Variants in TSHZ2 observed in about 807,000 individuals in gnomAD.
The protein encoded by TSHZ2 is teashirt zinc finger homeobox 2.
Under a neutral mutation model 74.4 loss-of-function variants are expected in TSHZ2, and 21 were observed. The observed-to-expected ratio is 0.28, with a 90% CI of 0.20 to 0.41. The LOEUF is 0.41. Among genes scored for constraint, TSHZ2 ranks in the 10% least tolerant of loss-of-function variants. The probability of loss-of-function intolerance (pLI) is 1.00; values close to 1 mark genes in which losing one functional copy is unlikely to be tolerated. For synonymous variants in TSHZ2, 540 were observed against 515.3 expected (o/e 1.05, Z -0.65); for missense variants, 1,244 against 1,293.5 (o/e 0.96, Z 0.59).
chr20:53,331,429 A>C (rs1370395434), intron 2 of TSHZ2, among the ~76,000 whole-genome samples: 2 of 152,048 alleles, frequency 1.3e-5, no homozygotes, highest in Non-Finnish European at 2.9e-5. Flanking sequence ...ATTTAATGTG[A>C]GGGAGCACAG....
chr20:53,340,931 A>C (rs900228874), intron 2 of TSHZ2, among the ~76,000 whole-genome samples: 11 of 152,156 alleles, frequency 7.2e-5, no homozygotes, highest in Admixed American at 7.2e-4. Context: ...TCTGAAAAAA[A>C]TTGAGCGCAA....
At chr20:53,192,121 A>AG (rs1988750560) in intron 1 of TSHZ2, among the ~76,000 whole-genome samples, 1 of 152,208 alleles carries the variant, frequency 6.6e-6, no homozygotes, top group Non-Finnish European at 1.5e-5. Context: ...TTTTATGAAC[A>AG]GGGAAATGGA....
chr20:53,076,408 G>T (rs987754817), intron 1 of TSHZ2, among the ~76,000 whole-genome samples: 2 of 152,184 alleles, frequency 1.3e-5, no homozygotes, highest in East Asian at 1.9e-4. Context: ...AGGCCCTATT[G>T]TGTGCCAGGC....
intron 1 of TSHZ2, among the ~76,000 whole-genome samples, chr20:53,139,652 T>A (rs1987338925): frequency 6.6e-6 from 1 of 152,186 alleles, no homozygotes; most frequent in African/African-American, 2.4e-5. Flanking sequence ...GCTAGCAGAG[T>A]GGCTGGCACA....
intron 2 of TSHZ2, among the ~76,000 whole-genome samples, chr20:53,413,544 A>G (rs1364884846): frequency 6.6e-6 from 1 of 152,190 alleles, no homozygotes; most frequent in Non-Finnish European, 1.5e-5. Flanking sequence ...CATCTGATAA[A>G]TGGGACTACT....
intron 1 of TSHZ2, among the ~76,000 whole-genome samples, chr20:52,982,053 T>C (rs1003035985): frequency 1.3e-5 from 2 of 152,200 alleles, no homozygotes; most frequent in African/African-American, 4.8e-5. Flanking sequence ...GCAATAGCTT[T>C]ATAAAAGCAA....
chr20:53,132,184 G>T (rs548211791), intron 1 of TSHZ2, among the ~76,000 whole-genome samples: 3 of 152,142 alleles, frequency 2.0e-5, no homozygotes, highest in Non-Finnish European at 2.9e-5. Context: ...CCTAGGTTCT[G>T]AGAGAGGGTT....
chr20:53,062,134 C>T (rs1245998619), intron 1 of TSHZ2, among the ~76,000 whole-genome samples: 1 of 152,178 alleles, frequency 6.6e-6, no homozygotes, highest in African/African-American at 2.4e-5. Context: ...CTCTTAAAAG[C>T]TGTTTTTAAT....
intron 1 of TSHZ2, among the ~76,000 whole-genome samples, chr20:53,002,029 G>A (rs1982460981): frequency 6.6e-6 from 1 of 152,282 alleles, no homozygotes; most frequent in South Asian, 2.1e-4. Context: ...ACCAACCCAG[G>A]GAGGAAAATC....
rs1225807437 is a variant in TSHZ2 at position 53,255,534 on chromosome 20, C to T, written c.2076C>T (p.Ile692=). 2 of 1,586,202 alleles carry T rather than the reference C, an allele frequency of 1.3e-6. No homozygotes were observed. Among genetic ancestry groups the T allele is most frequent in the Non-Finnish European group, 1.7e-6 (2 of 1,168,188 alleles). ...ACCACGCCCCGGCCCTGCCATGCAT[C>T]AACCCACTCAGCGCCCTGCAGTCCG... The part of the protein sequence containing the change: ...LANHAPALPC[I]NPLSALQSVL... The change falls in exon 2 of 3, where the codon ATC becomes ATT. Residue 692 remains isoleucine, a synonymous_variant. Transcript: ENST00000371497. The surrounding 1 kb of genome is among the most constrained non-coding windows in gnomAD (Gnocchi z 4.1).
intron 1 of TSHZ2, among the ~76,000 whole-genome samples, chr20:53,134,125 A>G (rs1050923880): frequency 4.6e-5 from 7 of 152,154 alleles, no homozygotes; most frequent in South Asian, 2.1e-4. Flanking sequence ...ATGAGTCTCA[A>G]TTTCCTCACC....
intron 1 of TSHZ2, among the ~76,000 whole-genome samples, chr20:53,147,981 T>G (rs973410236): frequency 6.6e-6 from 1 of 152,220 alleles, no homozygotes; most frequent in Non-Finnish European, 1.5e-5. Context: ...CCTAAAGTGC[T>G]GGGATTACAG....
At chr20:53,432,224 A>C (rs1171399013) in intron 2 of TSHZ2, among the ~76,000 whole-genome samples, 1 of 152,166 alleles carries the variant, frequency 6.6e-6, no homozygotes, top group Non-Finnish European at 1.5e-5. Flanking sequence ...AACATATGGC[A>C]TTTGGTTTTT....
intron 1 of TSHZ2, among the ~76,000 whole-genome samples, chr20:52,985,783 C>A (rs372274817): frequency 1.3e-5 from 2 of 152,234 alleles, no homozygotes; most frequent in East Asian, 1.9e-4. Context: ...CATGTCTCTA[C>A]GGGGAAAGGT....
intron 2 of TSHZ2, among the ~76,000 whole-genome samples, chr20:53,368,359 G>C (rs775402999): frequency 3.9e-5 from 6 of 152,126 alleles, no homozygotes; most frequent in Non-Finnish European, 8.8e-5. Context: ...ACCCAGGCTG[G>C]TGTGCAGTGG....
At chr20:53,057,569 CT>C (rs1369134221) in intron 1 of TSHZ2, among the ~76,000 whole-genome samples, 1 of 152,000 alleles carries the variant, frequency 6.6e-6, no homozygotes, top group African/African-American at 2.4e-5. Context: ...ATAATCATAA[CT>C]TCTTTTTATG....
intron 2 of TSHZ2, among the ~76,000 whole-genome samples, chr20:53,453,414 T>G (rs560760679): frequency 6.9e-4 from 105 of 152,362 alleles, no homozygotes; most frequent in African/African-American, 2.3e-3. Context: ...CCCTGATTTA[T>G]AGAAACAACA....
At chr20:53,078,300 A>G (rs901914497) in intron 1 of TSHZ2, among the ~76,000 whole-genome samples, 1 of 152,190 alleles carries the variant, frequency 6.6e-6, no homozygotes, top group Non-Finnish European at 1.5e-5. Flanking sequence ...CTTTTTTTCT[A>G]TTCCTTTGAA....
chr20:53,151,984 T>C (rs1190181379), intron 1 of TSHZ2, among the ~76,000 whole-genome samples: 1 of 152,206 alleles, frequency 6.6e-6, no homozygotes, highest in Non-Finnish European at 1.5e-5. Context: ...AAGATTCTCT[T>C]CTGTTTAGAA....
Sources: allele counts gnomAD v4.1 joint callset (sites outside exome capture counted in the v4.1 genomes callset), GRCh38; gene constraint gnomAD v4.1.1; non-coding constraint Gnocchi (gnomAD v3.1); transcripts MANE v1.5; gene names NCBI Gene and HGNC (gene_info 2026-07-23, HGNC 2026-07-21).